The following SLC4A4 variants were observed in gnomAD, a reference collection of about 807,000 sequenced individuals.
SLC4A4 encodes the protein solute carrier family 4 member 4, also known as electrogenic sodium bicarbonate cotransporter 1.
SLC4A4 carries 27 observed loss-of-function variants against 111.5 expected under a neutral mutation model. That is an observed-to-expected ratio of 0.24 (90% CI 0.18 to 0.33). The LOEUF (loss-of-function observed/expected upper bound fraction) is 0.33. SLC4A4 is among the 10% of genes least tolerant of loss of function. SLC4A4 has a pLI of 1.00. For synonymous variants in SLC4A4, 443 were observed against 463.4 expected (o/e 0.96, Z 0.57); for missense variants, 909 against 1,315.5 (o/e 0.69, Z 4.78).
chr4:71,077,361 A>G (rs1313729291), intron 1 of SLC4A4, among the ~76,000 whole-genome samples: 3 of 152,060 alleles, frequency 2.0e-5, no homozygotes, highest in African/African-American at 7.2e-5. Context: ...GGGTTTCACC[A>G]TGTTGGCCAG....
At chr4:71,203,859 AT>A (rs1284124429) in intron 1 of SLC4A4, among the ~76,000 whole-genome samples, 5 of 152,346 alleles carry the variant, frequency 3.3e-5, no homozygotes, top group African/African-American at 1.2e-4. Flanking sequence ...TAGTAGAAGT[AT>A]ATTAAACTAG....
chr4:71,518,531 C>T (rs1732622414), intron 16 of SLC4A4, among the ~76,000 whole-genome samples: 1 of 152,086 alleles, frequency 6.6e-6, no homozygotes, highest in Non-Finnish European at 1.5e-5. Context: ...CTGGGGTGGG[C>T]CTGGAGCCTG....
At chr4:71,338,841 T>G (rs1035485783) in intron 3 of SLC4A4, among the ~76,000 whole-genome samples, 1 of 148,530 alleles carries the variant, frequency 6.7e-6, no homozygotes, top group African/African-American at 2.5e-5. Context: ...TAAATATTCC[T>G]TCATCAACTT....
chr4:71,285,934 T>C (rs556114137), intron 3 of SLC4A4, among the ~76,000 whole-genome samples: 1 of 152,024 alleles, frequency 6.6e-6, no homozygotes, highest in African/African-American at 2.4e-5. Flanking sequence ...CACTAGGAGG[T>C]CTTGTTAAAA....
At chr4:71,434,327 A>G (rs1415175717) in intron 7 of SLC4A4, 2 of 152,922 alleles carry the variant, frequency 1.3e-5, no homozygotes, top group African/African-American at 2.4e-5. Flanking sequence ...CTAACATAAT[A>G]CAACAATTTT....
chr4:71,284,332 A>G (rs766434786), intron 3 of SLC4A4, among the ~76,000 whole-genome samples: 6 of 152,198 alleles, frequency 3.9e-5, no homozygotes, highest in South Asian at 2.1e-4. Flanking sequence ...TTTCTGACTG[A>G]TCATAATTCA....
chr4:71,309,621 G>A (rs902117858), intron 3 of SLC4A4, among the ~76,000 whole-genome samples: 3 of 152,024 alleles, frequency 2.0e-5, no homozygotes, highest in African/African-American at 7.3e-5. Context: ...AAAACAAGAA[G>A]CAATAACGTC....
At chr4:71,259,381 A>G (rs1423025229) in intron 3 of SLC4A4, among the ~76,000 whole-genome samples, 1 of 152,118 alleles carries the variant, frequency 6.6e-6, no homozygotes, top group African/African-American at 2.4e-5. Flanking sequence ...GCTCAGCAGC[A>G]GCTCCAAGTC....
At chr4:71,476,603 C>T (rs2149114211) in intron 14 of SLC4A4, among the ~76,000 whole-genome samples, 1 of 151,826 alleles carries the variant, frequency 6.6e-6, no homozygotes, top group African/African-American at 2.4e-5. Context: ...TATGTGTGTG[C>T]TTTGTCAAGG....
chr4:71,347,629 G>A (rs1729442936), intron 4 of SLC4A4, among the ~76,000 whole-genome samples: 2 of 152,100 alleles, frequency 1.3e-5, no homozygotes, highest in South Asian at 4.1e-4. Flanking sequence ...ATTTTGTGGG[G>A]ACATAGACAT....
chr4:71,524,335 T>C (rs73829824), intron 16 of SLC4A4, among the ~76,000 whole-genome samples: 2,120 of 152,288 alleles, frequency 0.014, 37 homozygotes, highest in South Asian at 0.069. Context: ...CTTGTTCTAC[T>C]GTGTTCTTTT....
At chr4:71,455,648 ACTTT>A (rs1319036447) in intron 12 of SLC4A4, among the ~76,000 whole-genome samples, 2 of 152,164 alleles carry the variant, frequency 1.3e-5, no homozygotes, top group Non-Finnish European at 2.9e-5. Context: ...ATGTATAGAG[ACTTT>A]CTTGTGTTGT....
At chr4:71,210,878 T>C (rs964157607) in intron 1 of SLC4A4, among the ~76,000 whole-genome samples, 3 of 152,216 alleles carry the variant, frequency 2.0e-5, no homozygotes, top group Non-Finnish European at 2.9e-5. Context: ...TAAGAAGTTG[T>C]CCAGGAGAGC....
chr4:71,230,036 A>G (rs1719313860), intron 1 of SLC4A4, among the ~76,000 whole-genome samples: 1 of 151,596 alleles, frequency 6.6e-6, no homozygotes, highest in South Asian at 2.1e-4. Flanking sequence ...TTACAAAACA[A>G]CAAAAGCACC....
chr4:71,117,038 G>C (rs977306444), intron 2 of SLC4A4, among the ~76,000 whole-genome samples: 1 of 151,888 alleles, frequency 6.6e-6, no homozygotes, highest in Non-Finnish European at 1.5e-5. Context: ...GTACAGTGGC[G>C]TGACCATGGC....
At chr4:71,543,517 C>T (rs1340225236) in intron 18 of SLC4A4, among the ~76,000 whole-genome samples, 4 of 151,950 alleles carry the variant, frequency 2.6e-5, no homozygotes, top group Non-Finnish European at 5.9e-5. Flanking sequence ...CTTTATAGTC[C>T]ATCATCTAAA....
At chr4:71,260,879 A>G (rs1721808121) in intron 3 of SLC4A4, among the ~76,000 whole-genome samples, 1 of 152,226 alleles carries the variant, frequency 6.6e-6, no homozygotes, top group South Asian at 2.1e-4. Context: ...GTAGTCAGCA[A>G]TAATGGTTAG....
At position 71,451,351 on chromosome 4, in the gene SLC4A4, A is replaced by G. The variant is rs1288265267; in HGVS notation, c.1322+50A>G. 6.8e-6 allele frequency: 8 copies of G among 1,173,372 alleles called. No homozygotes were observed. In the Admixed American group the frequency reaches 1.2e-4, roughly 17 times the overall value. The allele number at this position is 1,173,372 out of a possible 1,614,324, so 72.7% of individuals were successfully genotyped here. A position where few individuals can be genotyped will look rare whatever the true frequency, so the allele number is the denominator to read the frequency against. On this transcript the variant is annotated intron_variant, in intron 11 of 25. Transcript: ENST00000264485. ...TCATGATGAGGTTCTCCTTAAATGT[A>G]AATTTCCCTTCATCTATCAACATAT... is the stretch of plus-strand genomic sequence containing the variant.
intron 2 of SLC4A4, among the ~76,000 whole-genome samples, chr4:71,095,492 C>A (rs1026687746): frequency 6.6e-6 from 1 of 152,234 alleles, no homozygotes; most frequent in African/African-American, 2.4e-5. Context: ...TGCTTCCTGA[C>A]AATGGGTGGG....
Sources: allele counts gnomAD v4.1 joint callset (sites outside exome capture counted in the v4.1 genomes callset), GRCh38; gene constraint gnomAD v4.1.1; transcripts MANE v1.5; gene names NCBI Gene and HGNC (gene_info 2026-07-23, HGNC 2026-07-21).